PGLYRP1: variants seen among roughly 807,000 people sequenced by gnomAD.
The protein encoded by PGLYRP1 is peptidoglycan recognition protein 1.
Under a neutral mutation model 16.3 loss-of-function variants are expected in PGLYRP1, and 18 were observed. The observed-to-expected ratio is 1.11, with a 90% CI of 0.77 to 1.64. The LOEUF is 1.64. PGLYRP1 is among the 40% of genes most tolerant of loss of function. PGLYRP1 has a pLI of 0.00. For missense variants in PGLYRP1, 261 were observed against 268.6 expected (o/e 0.97, Z 0.20); for synonymous variants, 89 against 105.7 (o/e 0.84, Z 0.97).
chr19:46,019,702 C>G lies in PGLYRP1; in HGVS notation c.288-55G>C, dbSNP rs1037530677. On this transcript the variant is annotated intron_variant, in intron 1 of 2. Coordinates refer to ENST00000008938, the MANE Select transcript of PGLYRP1 (RefSeq NM_005091.3). This position sits in a 1 kb window ranked among gnomAD's most constrained non-coding sequence, Gnocchi z 4.8. ...GTGAGGGAGGGTTTCCCGAGGAGGACTCCTCCTCCTTCCTCCACTCACCCT... is the reference window on the plus strand; with the variant it reads ...GTGAGGGAGGGTTTCCCGAGGAGGAGTCCTCCTCCTTCCTCCACTCACCCT... The G allele has an allele frequency of 2.5e-5, 39 of 1,555,918 alleles. No homozygotes were observed. The African/African-American group carries it at 4.7e-4, about 19-fold the overall frequency.
Position 46,019,591 on chromosome 19 carries a change from C to T in PGLYRP1, c.344G>A (p.Gly115Asp). The T allele has an allele frequency of 6.2e-7, 1 of 1,613,982 alleles. No individual in the cohort carries two copies. Among genetic ancestry groups the T allele is most frequent in the East Asian group, 2.2e-5 (1 of 44,854 alleles). ...VYEGRGWNFT[G>D]AHSGHLWNPM... ...GTTCCATAAGTGACCTGAGTGGGCA[C>T]CCGTGAAGTTCCAGCCACGGCCCTC... Residue 115 changes from glycine (G) to aspartate (D), a missense_variant, in exon 2 of 3, where the codon GGT (glycine) becomes GAT (aspartate). Gly to Asp is a moderately conservative substitution (Grantham distance 94). Transcript: ENST00000008938. This position sits in a 1 kb window ranked among gnomAD's most constrained non-coding sequence, Gnocchi z 4.8.
chr19:46,019,707 C>T lies in PGLYRP1; in HGVS notation c.288-60G>A. ...GGAGGGTTTCCCGAGGAGGACTCCT[C>T]CTCCTTCCTCCACTCACCCTGCCTC... On this transcript the variant is annotated intron_variant, in intron 1 of 2. Transcript: ENST00000008938. The surrounding 1 kb of genome is among the most constrained non-coding windows in gnomAD (Gnocchi z 4.8). 2 of 1,551,006 alleles carry T rather than the reference C, an allele frequency of 1.3e-6. No homozygotes were observed. The highest frequency in any genetic ancestry group is 1.2e-5 in the South Asian group (1 of 85,438).
At chr19:46,022,692 T>C (rs1263813163) in intron 1 of PGLYRP1, 43 bp downstream of exon 1, 4 of 1,609,232 alleles carry the variant, frequency 2.5e-6, no homozygotes, top group Non-Finnish European at 3.4e-6. Flanking sequence ...CACCTTTGCC[T>C]CTGGGATCCC....
rs757784096 is a variant in PGLYRP1, at chr19:46,019,245, G to T, written c.584C>A (p.Ser195Tyr). The T allele has an allele frequency of 6.2e-7, 1 of 1,613,754 alleles. No individual in the cohort carries two copies. Among genetic ancestry groups the T allele is most frequent in the East Asian group, 2.2e-5 (1 of 44,864 alleles). ...GTGCGGATCAGCAGGGCCTCAGGGGGAGCGGTAGTGTGGCCAATTCTGGAT... is the reference window on the plus strand; with the variant it reads ...GTGCGGATCAGCAGGGCCTCAGGGGTAGCGGTAGTGTGGCCAATTCTGGAT... ...HLIQNWPHYR[S>Y]P is the part of the protein sequence containing the mutation. The change falls in exon 3 of 3, where the codon TCC becomes TAC. Residue 195 changes from serine to tyrosine, a missense_variant. Coordinates refer to ENST00000008938, the MANE Select transcript of PGLYRP1 (RefSeq NM_005091.3). The surrounding 1 kb of genome is among the most constrained non-coding windows in gnomAD (Gnocchi z 4.8).
At chr19:46,022,712 C>T in intron 1 of PGLYRP1, 23 bp downstream of exon 1, 1 of 1,613,100 alleles carries the variant, frequency 6.2e-7, no homozygotes, top group Non-Finnish European at 8.5e-7. Context: ...CCAGTCCAGC[C>T]CGTGCCCCCC....
In PGLYRP1 at chr19:46,022,997, C is replaced by CA; in HGVS notation, c.24dup (p.Ala9CysfsTer193). ...CGAAGGAGGCTGGGGAGAGCCCAGG[C>CA]AAGCAGCATAGAGCGGCGGGACATA... is the stretch of plus-strand genomic sequence containing the variant. On this transcript the variant is annotated frameshift_variant, in exon 1 of 3. Coordinates refer to ENST00000008938, the MANE Select transcript of PGLYRP1 (RefSeq NM_005091.3). LOFTEE classifies it high-confidence loss of function. The CA allele has an allele frequency of 6.3e-7, 1 of 1,584,736 alleles. No homozygotes were observed. The highest frequency in any genetic ancestry group is 1.2e-5 in the South Asian group (1 of 86,558).
rs778526081 is a variant in PGLYRP1 at position 46,022,802 on chromosome 19, G to C, written c.220C>G (p.Gln74Glu). 1 of 1,614,098 alleles carries C rather than the reference G, an allele frequency of 6.2e-7. No individual in the cohort carries two copies. Among genetic ancestry groups the C allele is most frequent in the Non-Finnish European group, 8.5e-7 (1 of 1,179,976 alleles). The change falls in exon 1 of 3, where the codon CAG becomes GAG. Residue 74 changes from glutamine (Q) to glutamate (E), a missense_variant. Gln to Glu is a conservative substitution (Grantham distance 29). Transcript: ENST00000008938. ...TGCTGCACATTCCGGGCCTGCTGCTGGCACGAGGCGGGGGTGTTGCAGCTG... is the reference window on the plus strand; with the variant it reads ...TGCTGCACATTCCGGGCCTGCTGCTCGCACGAGGCGGGGGTGTTGCAGCTG... Reference protein sequence around the residue: ...GSSCNTPASCQQQARNVQHYH... With the variant: ...GSSCNTPASCEQQARNVQHYH...
intron 1 of PGLYRP1, among the ~76,000 whole-genome samples, chr19:46,022,499 A>T (rs984586916): frequency 1.1e-4 from 17 of 152,206 alleles, no homozygotes; most frequent in African/African-American, 4.1e-4. Context: ...CGGGAGCGGG[A>T]GCGGGGCTTG....
chr19:46,020,081 C>A (rs1353976235), intron 1 of PGLYRP1, among the ~76,000 whole-genome samples: 3 of 150,562 alleles, frequency 2.0e-5, no homozygotes, highest in African/African-American at 7.4e-5. Context: ...TGAATCCTTG[C>A]AGGACAGCCC....
Position 46,019,255 on chromosome 19 carries a change from G to A in PGLYRP1, c.574C>T (p.His192Tyr). 1.2e-6 allele frequency: 2 copies of A among 1,613,944 alleles called. No homozygotes were observed. The highest frequency in any genetic ancestry group is 1.7e-6 in the Non-Finnish European group (2 of 1,179,926). The change falls in exon 3 of 3, where the codon CAC (histidine) becomes TAC (tyrosine). Residue 192 changes from histidine (H) to tyrosine (Y), a missense_variant. By Grantham distance (83) the His-to-Tyr change is moderately conservative (BLOSUM62 2). Coordinates refer to ENST00000008938, the MANE Select transcript of PGLYRP1 (RefSeq NM_005091.3). This position sits in a 1 kb window ranked among gnomAD's most constrained non-coding sequence, Gnocchi z 4.8. The stretch of plus-strand genomic sequence containing the variant: ...GCAGGGCCTCAGGGGGAGCGGTAGT[G>A]TGGCCAATTCTGGATGAGGTGGTAG... ...QLYHLIQNWP[H>Y]YRSP
rs1054978737 is a variant in PGLYRP1 at position 46,020,083 on chromosome 19, G to A, written c.288-436C>T. 1.3e-5 allele frequency among the ~76,000 whole-genome samples: 2 copies of A among 151,206 alleles called. 1 individual carries two copies. The highest frequency in any genetic ancestry group is 4.2e-4 in the South Asian group (2 of 4,764). ...AGTCCTGTTTTACTGAATCCTTGCAGGACAGCCCTCTGAGGCAGAGACTTT... is the reference window on the plus strand; with the variant it reads ...AGTCCTGTTTTACTGAATCCTTGCAAGACAGCCCTCTGAGGCAGAGACTTT... On this transcript the variant is annotated intron_variant, in intron 1 of 2. Coordinates refer to ENST00000008938, the MANE Select transcript of PGLYRP1 (RefSeq NM_005091.3).
At chr19:46,022,670 C>T (rs1969057626) in intron 1 of PGLYRP1, 65 bp downstream of exon 1, 5 of 1,576,796 alleles carry the variant, frequency 3.2e-6, no homozygotes, top group South Asian at 1.1e-5. Flanking sequence ...GTCCCGCTGG[C>T]GGGCACTTGC....
chr19:46,021,786 C>T (rs554865114), intron 1 of PGLYRP1, among the ~76,000 whole-genome samples: 1 of 152,182 alleles, frequency 6.6e-6, no homozygotes, highest in Admixed American at 6.5e-5. Flanking sequence ...CCTGCCTGGT[C>T]CTGCCCTTTC....
At chr19:46,022,669 G>A in intron 1 of PGLYRP1, 66 bp downstream of exon 1, 2 of 1,576,230 alleles carry the variant, frequency 1.3e-6, no homozygotes, top group Middle Eastern at 1.7e-4. Context: ...GGTCCCGCTG[G>A]CGGGCACTTG....
rs368060961 is a variant in PGLYRP1, at chr19:46,022,894, G to A, written c.128C>T (p.Ala43Val). Reference sequence around the variant, plus strand: ...GCTCAGGTGCTGGGCGCACTCTGATGCCAGGGCCTTCCACTCGTTCCGGGG... The same window carrying A: ...GCTCAGGTGCTGGGCGCACTCTGATACCAGGGCCTTCCACTCGTTCCGGGG... The part of the protein sequence containing the change: ...IVPRNEWKAL[A>V]SECAQHLSLP... Residue 43 changes from alanine to valine, a missense_variant, in exon 1 of 3, where the codon GCA (alanine) becomes GTA (valine). Ala to Val is a moderately conservative substitution (Grantham distance 64). Coordinates refer to ENST00000008938, the MANE Select transcript of PGLYRP1 (RefSeq NM_005091.3). The A allele has an allele frequency of 4.3e-5, 69 of 1,613,282 alleles. No homozygotes were observed. The highest frequency in any genetic ancestry group is 3.1e-4 in the East Asian group (14 of 44,852).
rs1177693129 is a variant in PGLYRP1 at position 46,019,365 on chromosome 19, C to G, written c.464G>C (p.Gly155Ala). Residue 155 changes from glycine to alanine, a missense_variant, in exon 3 of 3, where the codon GGT (glycine) becomes GCT (alanine). Physicochemically the swap from Gly to Ala is moderately conservative, Grantham distance 60. Coordinates refer to ENST00000008938, the MANE Select transcript of PGLYRP1 (RefSeq NM_005091.3). The surrounding 1 kb of genome is among the most constrained non-coding windows in gnomAD (Gnocchi z 4.8). ...GGACCTCAGGGCTCCCTGAGCCACACCGCAGGCCAGTAGACCCTGGGCTGC... is the reference window on the plus strand; with the variant it reads ...GGACCTCAGGGCTCCCTGAGCCACAGCGCAGGCCAGTAGACCCTGGGCTGC... ...IRAAQGLLAC[G>A]VAQGALRSNY... 6.2e-7 allele frequency: 1 copy of G among 1,613,822 alleles called. No homozygotes were observed. Among genetic ancestry groups the G allele is most frequent in the East Asian group, 2.2e-5 (1 of 44,836 alleles).
chr19:46,021,582 G>C (rs903972644), intron 1 of PGLYRP1, among the ~76,000 whole-genome samples: 3 of 152,162 alleles, frequency 2.0e-5, no homozygotes, highest in Admixed American at 2.0e-4. Flanking sequence ...CTAAGGAGGA[G>C]GTAGCTGGTA....
chr19:46,019,719 A>C lies in PGLYRP1; in HGVS notation c.288-72T>G. On this transcript the variant is annotated intron_variant, in intron 1 of 2. Transcript: ENST00000008938. The surrounding 1 kb of genome is among the most constrained non-coding windows in gnomAD (Gnocchi z 4.8). The stretch of plus-strand genomic sequence containing the variant: ...GAGGAGGACTCCTCCTCCTTCCTCC[A>C]CTCACCCTGCCTCCGTTACTGCCGT... The C allele has an allele frequency of 6.6e-7, 1 of 1,505,580 alleles. No individual in the cohort carries two copies. The highest frequency in any genetic ancestry group is 9.0e-7 in the Non-Finnish European group (1 of 1,115,700). 93.3% of individuals were successfully genotyped at this position (1,505,580 alleles called of 1,614,324 possible).
At chr19:46,020,007 C>T (rs1969027062) in intron 1 of PGLYRP1, among the ~76,000 whole-genome samples, 1 of 152,132 alleles carries the variant, frequency 6.6e-6, no homozygotes, top group South Asian at 2.1e-4. Flanking sequence ...TGGTCCCCAC[C>T]CATGTGATCT....
Sources: allele counts gnomAD v4.1 joint callset (sites outside exome capture counted in the v4.1 genomes callset), GRCh38; gene constraint gnomAD v4.1.1; non-coding constraint Gnocchi (gnomAD v3.1); transcripts MANE v1.5; gene names NCBI Gene and HGNC (gene_info 2026-07-23, HGNC 2026-07-21).